TENT5C: variants seen among roughly 807,000 people sequenced by gnomAD.
The protein encoded by TENT5C is family with sequence similarity 46 member C.
TENT5C carries 5 observed loss-of-function variants against 22.2 expected under a neutral mutation model. That is an observed-to-expected ratio of 0.22 (90% CI 0.12 to 0.47). TENT5C has a LOEUF of 0.47. Among genes scored for constraint, TENT5C ranks in the 20% least tolerant of loss-of-function variants. The pLI, the probability that TENT5C is intolerant of heterozygous loss-of-function variation, is 0.99. For missense variants in TENT5C, 364 were observed against 500.9 expected, an observed-to-expected ratio of 0.73 and a Z score of 2.61; for synonymous variants, 199 against 195.4, an observed-to-expected ratio of 1.02 and a Z score of -0.15.
chr1:117,617,610 C>T (rs2101076839), intron 1 of TENT5C, among the ~76,000 whole-genome samples: 1 of 152,280 alleles, frequency 6.6e-6, no homozygotes, highest in South Asian at 2.1e-4. Flanking sequence ...AAATGAAACA[C>T]TTTAATTTGA....
In TENT5C at chr1:117,625,583, A is replaced by C. The variant is rs1336656265; in HGVS notation, c.*1539A>C. 1 of 248,034 alleles carries C rather than the reference A, an allele frequency of 4.0e-6. No individual in the cohort carries two copies. Among genetic ancestry groups the C allele is most frequent in the Non-Finnish European group, 8.5e-6 (1 of 118,144 alleles). 15.4% of individuals were successfully genotyped at this position (248,034 alleles called of 1,614,324 possible). A position where few individuals can be genotyped will look rare whatever the true frequency, so the allele number is the denominator to read the frequency against. ...TATTGCCAGCCAGCTTGGGTTCTAA[A>C]GTGATTTAATCAAATTCATGCTCCT... On this transcript the variant is annotated 3_prime_UTR_variant, in exon 2 of 2. Coordinates refer to ENST00000369448, the MANE Select transcript of TENT5C (RefSeq NM_017709.4).
rs1310278984 is a variant in TENT5C at position 117,625,283 on chromosome 1, C to T, written c.*1239C>T. 1.2e-5 allele frequency: 3 copies of T among 247,918 alleles called. No individual in the cohort carries two copies. The highest frequency in any genetic ancestry group is 6.0e-5 in the East Asian group (1 of 16,590). 15.4% of individuals were successfully genotyped at this position (247,918 alleles called of 1,614,324 possible). A position where few individuals can be genotyped will look rare whatever the true frequency, so the allele number is the denominator to read the frequency against. On this transcript the variant is annotated 3_prime_UTR_variant, in exon 2 of 2. Transcript: ENST00000369448. ...TTAGCATGAAGTCTGGCCTTGTGTG[C>T]ATTGGAGCTTCCAAGGCACTTTGAA...
At chr1:117,611,941 G>C (rs181450941) in intron 1 of TENT5C, among the ~76,000 whole-genome samples, 1 of 152,216 alleles carries the variant, frequency 6.6e-6, no homozygotes, top group African/African-American at 2.4e-5. Context: ...ATCTAAATGA[G>C]ATAGTTTACA....
intron 1 of TENT5C, among the ~76,000 whole-genome samples, chr1:117,620,265 A>G (rs897416826): frequency 2.0e-5 from 3 of 152,232 alleles, no homozygotes; most frequent in Non-Finnish European, 4.4e-5. Context: ...ACATTCCTAC[A>G]GTTATTCTCC....
chr1:117,612,092 C>G (rs1653681196), intron 1 of TENT5C, among the ~76,000 whole-genome samples: 1 of 152,128 alleles, frequency 6.6e-6, no homozygotes, highest in African/African-American at 2.4e-5. Context: ...GTGTGGGAGG[C>G]AAGATTTAAC....
intron 1 of TENT5C, among the ~76,000 whole-genome samples, chr1:117,617,705 T>C (rs1653816416): frequency 6.6e-6 from 1 of 152,232 alleles, no homozygotes; most frequent in Non-Finnish European, 1.5e-5. Context: ...CTTTCATGAA[T>C]TGGGAATGTG....
Position 117,624,074 on chromosome 1 carries a change from A to AAC in TENT5C, c.*31_*32dup, listed in dbSNP as rs757797488. ...GAGACCTGAGGGTTTCCACAGTGGG[A>AAC]ACCCCAATAGGGCTAGGGCTCTCAG... On this transcript the variant is annotated 3_prime_UTR_variant, in exon 2 of 2. Coordinates refer to ENST00000369448, the MANE Select transcript of TENT5C (RefSeq NM_017709.4). 1.8e-5 allele frequency: 29 copies of AAC among 1,576,242 alleles called. No homozygotes were observed. Among genetic ancestry groups the AAC allele is most frequent in the Admixed American group, 1.2e-4 (7 of 57,226 alleles).
chr1:117,610,160 C>G (rs930856410), intron 1 of TENT5C, among the ~76,000 whole-genome samples: 7 of 152,018 alleles, frequency 4.6e-5, no homozygotes, highest in East Asian at 1.9e-4. Flanking sequence ...TTTAGGGGCC[C>G]GTAGACAGGA....
In TENT5C at chr1:117,623,583, A is replaced by G; in HGVS notation, c.715A>G (p.Ile239Val). 6.2e-7 allele frequency: 1 copy of G among 1,613,926 alleles called. No homozygotes were observed. Among genetic ancestry groups the G allele is most frequent in the South Asian group, 1.1e-5 (1 of 91,042 alleles). ...GATCGCCACCAAGAACCCAGAAGAA[A>G]TCAGAGGCGGGGGACTTCTCAAGTA... Reference protein sequence around the residue: ...RLIATKNPEEIRGGGLLKYSN... With the variant: ...RLIATKNPEEVRGGGLLKYSN... Residue 239 changes from isoleucine to valine, a missense_variant, in exon 2 of 2, where the codon ATC becomes GTC. Physicochemically the swap from Ile to Val is conservative, Grantham distance 29. Around this residue, in one of 3 missense-constraint regions of TENT5C, gnomAD observed 303 missense variants for 394.5 expected, o/e 0.77. Coordinates refer to ENST00000369448, the MANE Select transcript of TENT5C (RefSeq NM_017709.4).
intron 1 of TENT5C, among the ~76,000 whole-genome samples, chr1:117,616,559 A>G (rs1653784569): frequency 6.6e-6 from 1 of 152,206 alleles, no homozygotes; most frequent in African/African-American, 2.4e-5. Flanking sequence ...CAGGGCCCAC[A>G]GGTGTCTTTG....
intron 1 of TENT5C, among the ~76,000 whole-genome samples, chr1:117,617,993 A>G (rs555841682): frequency 4.5e-4 from 69 of 152,248 alleles, no homozygotes; most frequent in Non-Finnish European, 8.5e-4. Flanking sequence ...AGCACTTAGT[A>G]TGAACTCAGC....
In TENT5C at chr1:117,625,887, T is replaced by C. The variant is rs978596807; in HGVS notation, c.*1843T>C. 1.2e-5 allele frequency: 3 copies of C among 248,080 alleles called. No individual in the cohort carries two copies. The East Asian group carries it at 1.8e-4, about 15-fold the overall frequency. The allele number at this position is 248,080 out of a possible 1,614,324, so 15.4% of individuals were successfully genotyped here. On this transcript the variant is annotated 3_prime_UTR_variant, in exon 2 of 2. Coordinates refer to ENST00000369448, the MANE Select transcript of TENT5C (RefSeq NM_017709.4). Reference sequence around the variant, plus strand: ...GAAGCCACTTCTTAGTGTAATCAGCTCCTGTTTCCCTGTGAGCCTTAGTTA... The same window carrying C: ...GAAGCCACTTCTTAGTGTAATCAGCCCCTGTTTCCCTGTGAGCCTTAGTTA...
At position 117,625,252 on chromosome 1, in the gene TENT5C, G is replaced by A. The variant is rs538951887; in HGVS notation, c.*1208G>A. The A allele has an allele frequency of 1.7e-4, 43 of 247,974 alleles. No homozygotes were observed. In the East Asian group the frequency reaches 2.4e-3, roughly 14 times the overall value. The allele number at this position is 247,974 out of a possible 1,614,324, so 15.4% of individuals were successfully genotyped here. On this transcript the variant is annotated 3_prime_UTR_variant, in exon 2 of 2. Coordinates refer to ENST00000369448, the MANE Select transcript of TENT5C (RefSeq NM_017709.4). ...TCGTGCTCTGTGTGAAGGGGAAGCTGGGGGGTTAGCATGAAGTCTGGCCTT... is the reference window on the plus strand; with the variant it reads ...TCGTGCTCTGTGTGAAGGGGAAGCTAGGGGGTTAGCATGAAGTCTGGCCTT...
At chr1:117,615,243 C>G (rs1162024686) in intron 1 of TENT5C, among the ~76,000 whole-genome samples, 1 of 152,152 alleles carries the variant, frequency 6.6e-6, no homozygotes, top group Non-Finnish European at 1.5e-5. Flanking sequence ...CATCTCCTTC[C>G]TCTGACCATC....
chr1:117,626,012 A>T lies in TENT5C; in HGVS notation c.*1968A>T. Reference sequence around the variant, plus strand: ...GGGCAATGAAGAGTGAACCCCAATGAAGAGTGATCCCAACTTTGGAAACTA... The same window carrying T: ...GGGCAATGAAGAGTGAACCCCAATGTAGAGTGATCCCAACTTTGGAAACTA... On this transcript the variant is annotated 3_prime_UTR_variant, in exon 2 of 2. Coordinates refer to ENST00000369448, the MANE Select transcript of TENT5C (RefSeq NM_017709.4). The T allele has an allele frequency of 4.0e-6, 1 of 248,018 alleles. No individual in the cohort carries two copies. The allele number at this position is 248,018 out of a possible 1,614,324, so 15.4% of individuals were successfully genotyped here. A position where few individuals can be genotyped will look rare whatever the true frequency, so the allele number is the denominator to read the frequency against.
Position 117,625,026 on chromosome 1 carries a change from A to G in TENT5C, c.*982A>G, listed in dbSNP as rs1653978218. On this transcript the variant is annotated 3_prime_UTR_variant, in exon 2 of 2. Transcript: ENST00000369448. The stretch of plus-strand genomic sequence containing the variant: ...GGGTCTTCCCATGTTTTAACTGGAA[A>G]CCCACTTTGGTCACATTCCAAGTAT... 4.0e-6 allele frequency: 1 copy of G among 247,840 alleles called. No individual in the cohort carries two copies. The highest frequency in any genetic ancestry group is 1.3e-3 in the Middle Eastern group (1 of 784). 15.4% of individuals were successfully genotyped at this position (247,840 alleles called of 1,614,324 possible).
In TENT5C at chr1:117,622,834, A is replaced by T. The variant is rs947995329; in HGVS notation, c.-27-8A>T. ...ATCCTAACTCTGCTTCTCACCCCTC[A>T]CTTTCAGTTTCCCCAGCCAGAACAT... On this transcript the variant is annotated splice_region_variant and splice_polypyrimidine_tract_variant and intron_variant, in intron 1 of 1. Transcript: ENST00000369448. 6.3e-7 allele frequency: 1 copy of T among 1,585,522 alleles called. No homozygotes were observed. The highest frequency in any genetic ancestry group is 1.7e-5 in the Admixed American group (1 of 59,406).
intron 1 of TENT5C, among the ~76,000 whole-genome samples, chr1:117,621,289 ATGT>A (rs1191849396): frequency 2.0e-5 from 3 of 152,078 alleles, no homozygotes; most frequent in Non-Finnish European, 4.4e-5. Flanking sequence ...CCAACAGCTC[ATGT>A]TGTCTTTCTG....
intron 1 of TENT5C, among the ~76,000 whole-genome samples, chr1:117,622,069 A>G (rs1653904959): frequency 6.6e-6 from 1 of 152,210 alleles, no homozygotes; most frequent in Admixed American, 6.5e-5. Flanking sequence ...CCTTGCTAGG[A>G]AGAGTGGTTC....
Sources: gnomAD v4.1 joint callset for allele counts (sites outside exome capture counted in the v4.1 genomes callset) on GRCh38, gnomAD v4.1.1 for gene constraint, gnomAD v4.1.1 regional missense constraint, MANE v1.5 for transcripts, NCBI Gene and HGNC (gene_info 2026-07-23, HGNC 2026-07-21) for gene names.